PRKN: variants seen among roughly 807,000 people sequenced by gnomAD.
The protein encoded by PRKN is E3 ubiquitin-protein ligase parkin.
A neutral mutation model predicts 59.5 loss-of-function variants in PRKN; 56 were observed. That is an observed-to-expected ratio of 0.94 (90% CI 0.76 to 1.18). The LOEUF is 1.18. Ranked by LOEUF, PRKN falls within the 50% of genes most tolerant of loss-of-function variation. PRKN has a pLI of 0.00. For synonymous variants in PRKN, 250 were observed against 222.1 expected (o/e 1.13, Z -1.12); for missense variants, 657 against 596.4 (o/e 1.10, Z -1.06).
chr6:162,207,323 G>A (rs1036360975), intron 3 of PRKN, among the ~76,000 whole-genome samples: 1 of 152,072 alleles, frequency 6.6e-6, no homozygotes, highest in African/African-American at 2.4e-5. Context: ...AGTGAGCTGA[G>A]ATCCCATCAC....
At chr6:162,311,384 A>T (rs985832934) in intron 2 of PRKN, among the ~76,000 whole-genome samples, 3 of 152,128 alleles carry the variant, frequency 2.0e-5, no homozygotes, top group Admixed American at 6.5e-5. Flanking sequence ...AACATAGCTA[A>T]GTTATTCTCC....
At chr6:162,545,468 G>A (rs755536702) in intron 1 of PRKN, among the ~76,000 whole-genome samples, 14 of 152,104 alleles carry the variant, frequency 9.2e-5, no homozygotes, top group Non-Finnish European at 2.1e-4. Flanking sequence ...TTTAGGTGGT[G>A]CAAGTAAGTT....
rs1353779104 is a variant in PRKN at position 161,413,588 on chromosome 6, TG to T, written c.1084-26712del. On this transcript the variant is annotated intron_variant, in intron 9 of 11. Transcript: ENST00000366898. This position sits in a 1 kb window ranked among gnomAD's most constrained non-coding sequence, Gnocchi z 4.4. ...GATGGCAGCGTGGGCCAGGAAAGCC[TG>T]GGAACTGGGGGTGTTGGCATGAGAT... Among the ~76,000 whole-genome samples the T allele has an allele frequency of 6.6e-6, 1 of 152,040 alleles. No individual in the cohort carries two copies. The highest frequency in any genetic ancestry group is 1.5e-5 in the Non-Finnish European group (1 of 68,008).
At chr6:161,622,089 C>G (rs1457803299) in intron 7 of PRKN, among the ~76,000 whole-genome samples, 4 of 152,088 alleles carry the variant, frequency 2.6e-5, no homozygotes, top group Admixed American at 2.6e-4. Flanking sequence ...CCTCGCACCT[C>G]CTTTCCAAGG....
At chr6:161,943,286 C>G (rs1050046056) in intron 6 of PRKN, among the ~76,000 whole-genome samples, 4 of 152,184 alleles carry the variant, frequency 2.6e-5, no homozygotes, top group African/African-American at 9.6e-5. Context: ...AAAAAATTAA[C>G]AAACCACAAA....
Position 161,400,310 on chromosome 6 carries a change from C to A in PRKN, c.1084-13433G>T, listed in dbSNP as rs1014617543. ...GGAAGATTAGAAAATTAAACCTAAT[C>A]TTTTTTTTTTTTTTGAGATGGAATT... On this transcript the variant is annotated intron_variant, in intron 9 of 11. Transcript: ENST00000366898. This position sits in a 1 kb window ranked among gnomAD's most constrained non-coding sequence, Gnocchi z 4.2. Among the ~76,000 whole-genome samples the A allele has an allele frequency of 6.9e-6, 1 of 144,632 alleles. No homozygotes were observed. The highest frequency in any genetic ancestry group is 1.5e-5 in the Non-Finnish European group (1 of 65,614). The allele number at this position is 144,632 out of a possible 152,430, so 94.9% of individuals were successfully genotyped here. A position where few individuals can be genotyped will look rare whatever the true frequency, so the allele number is the denominator to read the frequency against.
chr6:162,702,729 T>C lies in PRKN; in HGVS notation c.7+24933A>G, dbSNP rs368523884. Among the ~76,000 whole-genome samples, 230 of 152,344 alleles carry C rather than the reference T, an allele frequency of 1.5e-3. 3 individuals carry two copies. Among genetic ancestry groups the C allele is most frequent in the South Asian group, 0.012 (59 of 4,832 alleles). On this transcript the variant is annotated intron_variant, in intron 1 of 11. Transcript: ENST00000366898. ...CAGCAGGCTGTCTACCTTATCCTAC[T>C]TCTCAGGATTGATGAAATGAATAGT... is the stretch of plus-strand genomic sequence containing the variant.
chr6:161,682,438 C>G (rs1785400468), intron 7 of PRKN, among the ~76,000 whole-genome samples: 1 of 152,078 alleles, frequency 6.6e-6, no homozygotes, highest in African/African-American at 2.4e-5. Context: ...TTGAACTCAC[C>G]AAAACATGTA....
intron 5 of PRKN, among the ~76,000 whole-genome samples, chr6:162,038,425 C>T (rs1783930165): frequency 6.6e-6 from 1 of 152,122 alleles, no homozygotes; most frequent in Admixed American, 6.6e-5. Context: ...ATGACAGGCT[C>T]TGAAGTAAGC....
At chr6:162,339,452 C>T (rs1309924897) in intron 2 of PRKN, among the ~76,000 whole-genome samples, 24 of 147,384 alleles carry the variant, frequency 1.6e-4, no homozygotes, top group Non-Finnish European at 3.0e-4. Context: ...CTCTGCCCGG[C>T]GGCCCCTACT....
rs556898674 is a variant in PRKN, at chr6:161,451,764, G to A, written c.1084-64887C>T. ...CCAACAGTGACAGCAGGTGGCCCAT[G>A]AGTGAAACTTAGAGAATTAGGGGAC... On this transcript the variant is annotated intron_variant, in intron 9 of 11. Transcript: ENST00000366898. The surrounding 1 kb of genome is among the most constrained non-coding windows in gnomAD (Gnocchi z 5.9). Among the ~76,000 whole-genome samples, 1 of 152,338 alleles carries A rather than the reference G, an allele frequency of 6.6e-6. No homozygotes were observed. The highest frequency in any genetic ancestry group is 2.4e-5 in the African/African-American group (1 of 41,572).
chr6:162,208,103 A>T (rs747650210), intron 3 of PRKN, among the ~76,000 whole-genome samples: 2 of 152,236 alleles, frequency 1.3e-5, no homozygotes, highest in African/African-American at 2.4e-5. Context: ...AATGTTAAGG[A>T]GAAAAAGTGA....
chr6:161,481,123 G>A (rs900682088), intron 9 of PRKN, among the ~76,000 whole-genome samples: 2 of 152,156 alleles, frequency 1.3e-5, no homozygotes, highest in African/African-American at 2.4e-5. Context: ...AATATTACAT[G>A]CCACCATAGA....
chr6:162,160,689 A>G (rs1782713261), intron 4 of PRKN, among the ~76,000 whole-genome samples: 1 of 151,998 alleles, frequency 6.6e-6, no homozygotes, highest in African/African-American at 2.4e-5. Flanking sequence ...AAAAACAAAC[A>G]AACAAACAAA....
intron 5 of PRKN, among the ~76,000 whole-genome samples, chr6:162,034,889 A>G (rs1954915): frequency 0.59 from 89,817 of 152,102 alleles, 27,392 homozygotes; most frequent in African/African-American, 0.75. Flanking sequence ...CCGAGAGCTT[A>G]CATATGGAGG....
chr6:161,525,333 G>A lies in PRKN; in HGVS notation c.1083+23521C>T, dbSNP rs184622374. On this transcript the variant is annotated intron_variant, in intron 9 of 11. Coordinates refer to ENST00000366898, the MANE Select transcript of PRKN (RefSeq NM_004562.3). This position sits in a 1 kb window ranked among gnomAD's most constrained non-coding sequence, Gnocchi z 4.7. ...TCCTGTTCCTGGGCCTGGAGATGAG[G>A]GTCCACCTCTCCCAGGTCCTGAGGA... is the stretch of plus-strand genomic sequence containing the variant. Among the ~76,000 whole-genome samples the A allele has an allele frequency of 6.0e-5, 9 of 149,124 alleles. No individual in the cohort carries two copies. The highest frequency in any genetic ancestry group is 2.2e-4 in the African/African-American group (9 of 40,530).
chr6:162,323,930 C>A (rs775143579), intron 2 of PRKN, among the ~76,000 whole-genome samples: 4 of 151,730 alleles, frequency 2.6e-5, no homozygotes, highest in Non-Finnish European at 5.9e-5. Context: ...ATAATTAGTA[C>A]ACAATATTCA....
intron 2 of PRKN, among the ~76,000 whole-genome samples, chr6:162,359,744 G>A (rs549751815): frequency 4.6e-5 from 7 of 152,170 alleles, no homozygotes; most frequent in Middle Eastern, 3.4e-3. Context: ...CAAGAATCAT[G>A]ATTATTATAT....
intron 2 of PRKN, among the ~76,000 whole-genome samples, chr6:162,371,652 GATT>G (rs958998887): frequency 3.3e-5 from 5 of 152,124 alleles, no homozygotes; most frequent in Non-Finnish European, 5.9e-5. Flanking sequence ...AAAACTTAGC[GATT>G]ATTATTTATG....
Sources: allele counts gnomAD v4.1 joint callset (sites outside exome capture counted in the v4.1 genomes callset), GRCh38; gene constraint gnomAD v4.1.1; non-coding constraint Gnocchi (gnomAD v3.1); transcripts MANE v1.5; gene names NCBI Gene and HGNC (gene_info 2026-07-23, HGNC 2026-07-21).